Variants in MED23 observed in about 807,000 individuals in gnomAD.
The protein encoded by MED23 is mediator complex subunit 23, also known as mediator of RNA polymerase II transcription subunit 23.
In MED23, 105 loss-of-function variants were observed where a neutral mutation model predicts 163.9. That is an observed-to-expected ratio of 0.64 (90% CI 0.55 to 0.75). The LOEUF is 0.75. Ranked by LOEUF, MED23 falls within the 30% of genes least tolerant of loss-of-function variation. The pLI, the probability that MED23 is intolerant of heterozygous loss-of-function variation, is 0.00. For missense variants in MED23, 1,054 were observed against 1,649.0 expected (o/e 0.64, Z 6.25); for synonymous variants, 561 against 565.6 (o/e 0.99, Z 0.12).
intron 18 of MED23, among the ~76,000 whole-genome samples, chr6:131,599,604 C>G (rs1031761864): frequency 6.6e-6 from 1 of 151,928 alleles, no homozygotes; most frequent in Admixed American, 6.6e-5. Context: ...ATTTTTTTCA[C>G]TTTTATTTTT....
chr6:131,590,942 T>C (rs1341158614), intron 26 of MED23, among the ~76,000 whole-genome samples: 3 of 150,388 alleles, frequency 2.0e-5, no homozygotes, highest in Non-Finnish European at 3.0e-5. Context: ...GAATGAAGTA[T>C]ATACCTCATC....
rs1775530506 is a variant in MED23, at chr6:131,602,136, T to C, written c.2095+82A>G. On this transcript the variant is annotated intron_variant, in intron 17 of 28. Transcript: ENST00000368068. Reference sequence around the variant, plus strand: ...AAACAAATGAAAAGTATCTTTTTAGTATGTTACAACTATAGTAATTAGTAG... The same window carrying C: ...AAACAAATGAAAAGTATCTTTTTAGCATGTTACAACTATAGTAATTAGTAG... 5 of 1,439,726 alleles carry C rather than the reference T, an allele frequency of 3.5e-6. No homozygotes were observed. The South Asian group carries it at 4.6e-5, about 13-fold the overall frequency. The allele number at this position is 1,439,726 out of a possible 1,614,324, so 89.2% of individuals were successfully genotyped here.
At chr6:131,625,974 G>A (rs1428156319) in intron 3 of MED23, among the ~76,000 whole-genome samples, 1 of 151,284 alleles carries the variant, frequency 6.6e-6, no homozygotes, top group Non-Finnish European at 1.5e-5. Context: ...TACAAAAAAT[G>A]AGCCGGGCGT....
intron 25 of MED23, 72 bp downstream of exon 25, chr6:131,592,316 T>C: frequency 7.3e-7 from 1 of 1,369,980 alleles, no homozygotes; most frequent in Non-Finnish European, 1.0e-6. Flanking sequence ...TATATGCATC[T>C]TTTTCTTTTT....
At chr6:131,580,732 TTC>T (rs1197930636) in intron 30 of MED23, among the ~76,000 whole-genome samples, 3 of 150,708 alleles carry the variant, frequency 2.0e-5, no homozygotes. Context: ...ATGTAAGAAC[TTC>T]TGAGTGATGC....
chr6:131,609,725 T>C (rs943886254), intron 11 of MED23, among the ~76,000 whole-genome samples: 3 of 146,900 alleles, frequency 2.0e-5, no homozygotes, highest in South Asian at 4.2e-4. Context: ...TATATATATA[T>C]ACACATACAT....
chr6:131,619,955 T>C, intron 7 of MED23, 59 bp from the exon 8 acceptor site: 1 of 1,007,062 alleles, frequency 9.9e-7, no homozygotes, highest in Non-Finnish European at 1.6e-6. Context: ...AAATTGAGAC[T>C]GCCCCTGAAA....
chr6:131,605,250 C>T lies in MED23; in HGVS notation c.1603G>A (p.Ala535Thr). Residue 535 changes from alanine (A) to threonine (T), a missense_variant, in exon 14 of 29, where the codon GCC becomes ACC. This residue lies in a region of MED23 where 54 missense variants were observed against 89.8 expected (regional missense o/e 0.60). Coordinates refer to ENST00000368068, the MANE Select transcript of MED23 (RefSeq NM_004830.4). ...ATAAAAAGAACATACCTCATTTTGG[C>T]ATGAACTGTCAGTGAATCCAGGAGG... ...MNLLDSLTVH[A>T]KMSLIHSIAT... is the part of the protein sequence containing the mutation. The T allele has an allele frequency of 6.2e-7, 1 of 1,613,452 alleles. No homozygotes were observed. The highest frequency in any genetic ancestry group is 8.5e-7 in the Non-Finnish European group (1 of 1,179,608).
At chr6:131,581,171 T>C (rs1375864771) in intron 30 of MED23, 4 of 1,585,212 alleles carry the variant, frequency 2.5e-6, no homozygotes, top group African/African-American at 1.3e-5. Flanking sequence ...ATGATGTATG[T>C]AGTGACACTG....
intron 8 of MED23, among the ~76,000 whole-genome samples, chr6:131,618,954 G>A (rs1343470578): frequency 6.6e-6 from 1 of 152,196 alleles, no homozygotes; most frequent in East Asian, 1.9e-4. Flanking sequence ...CTAGTCCAGT[G>A]TCAACATGAT....
chr6:131,608,811 T>C (rs1585524368), intron 11 of MED23, among the ~76,000 whole-genome samples: 1 of 152,352 alleles, frequency 6.6e-6, no homozygotes, highest in South Asian at 2.1e-4. Context: ...TAATTCATGC[T>C]GTGGAGATGT....
chr6:131,606,739 CT>C, intron 12 of MED23, 115 bp from the exon 13 acceptor site: 1 of 933,710 alleles, frequency 1.1e-6, no homozygotes, highest in Non-Finnish European at 1.6e-6. Flanking sequence ...TCATGTCTTA[CT>C]TTAGCCCCGA....
intron 12 of MED23, 69 bp from the exon 13 acceptor site, chr6:131,606,693 T>C: frequency 7.7e-7 from 1 of 1,300,534 alleles, no homozygotes; most frequent in African/African-American, 1.5e-5. Context: ...ATGTGTATTT[T>C]AGTAATCAAT....
chr6:131,615,276 G>A (rs200632837), intron 10 of MED23: 100 of 1,600,700 alleles, frequency 6.2e-5, no homozygotes, highest in Non-Finnish European at 7.8e-5. Context: ...GCTACAAAGC[G>A]GCCAGCGTAT....
intron 24 of MED23, 96 bp downstream of exon 24, chr6:131,592,910 C>G (rs1774753045): frequency 1.5e-5 from 22 of 1,420,550 alleles, no homozygotes; most frequent in Non-Finnish European, 2.1e-5. Flanking sequence ...TGTGCATCAG[C>G]CTTGCGGCAA....
intron 30 of MED23, among the ~76,000 whole-genome samples, chr6:131,574,518 C>T (rs907518200): frequency 3.9e-5 from 6 of 152,132 alleles, no homozygotes; most frequent in African/African-American, 1.4e-4. Context: ...AAAAGGGAAG[C>T]AAGTGTCCTC....
At chr6:131,586,342 G>T (rs1157430798), downstream of MED23, among the ~76,000 whole-genome samples, 2 of 151,636 alleles carry the variant, frequency 1.3e-5, no homozygotes, top group Non-Finnish European at 2.9e-5. Context: ...GGAGCTTGTA[G>T]TGAGCCCAGA....
Position 131,598,216 on chromosome 6 carries a change from G to C in MED23, c.2607+71C>G. 7.1e-7 allele frequency: 1 copy of C among 1,402,684 alleles called. No individual in the cohort carries two copies. The highest frequency in any genetic ancestry group is 1.0e-6 in the Non-Finnish European group (1 of 990,454). The allele number at this position is 1,402,684 out of a possible 1,614,324, so 86.9% of individuals were successfully genotyped here. A position where few individuals can be genotyped will look rare whatever the true frequency, so the allele number is the denominator to read the frequency against. On this transcript the variant is annotated intron_variant, in intron 20 of 28. Coordinates refer to ENST00000368068, the MANE Select transcript of MED23 (RefSeq NM_004830.4). The surrounding 1 kb of genome is among the most constrained non-coding windows in gnomAD (Gnocchi z 4.7). ...AAATCCTTCAAAGCAATATAGAGCA[G>C]ATTGGCATAACATATATTAGTCATA...
In MED23 at chr6:131,598,612, A is replaced by G; in HGVS notation, c.2370T>C (p.Leu790=). 3.7e-6 allele frequency: 6 copies of G among 1,614,190 alleles called. No homozygotes were observed. Among genetic ancestry groups the G allele is most frequent in the South Asian group, 1.1e-5 (1 of 91,076 alleles). Residue 790 remains leucine, a synonymous_variant, in exon 19 of 29, where the codon CTT becomes CTC. Coordinates refer to ENST00000368068, the MANE Select transcript of MED23 (RefSeq NM_004830.4). This position sits in a 1 kb window ranked among gnomAD's most constrained non-coding sequence, Gnocchi z 4.7. The part of the protein sequence containing the change: ...FSMQGSPPLF[L]CLLWKMLLET... ...CCAAGAGCATTTTCCAGAGAAGACA[A>G]AGAAAGAGAGGAGGGGAGCCCTGCA...
Sources: allele counts gnomAD v4.1 joint callset (sites outside exome capture counted in the v4.1 genomes callset), GRCh38; gene constraint gnomAD v4.1.1; regional missense constraint gnomAD v4.1.1; non-coding constraint Gnocchi (gnomAD v3.1); transcripts MANE v1.5; gene names NCBI Gene and HGNC (gene_info 2026-07-23, HGNC 2026-07-21).